STMN3: variants seen among roughly 807,000 people sequenced by gnomAD.
The protein encoded by STMN3 is stathmin-3.
Under a neutral mutation model 23.2 loss-of-function variants are expected in STMN3, and 24 were observed. That is an observed-to-expected ratio of 1.03 (90% CI 0.75 to 1.45). STMN3 has a LOEUF of 1.45. STMN3 is among the 40% of genes most tolerant of loss of function. The pLI is 0.00. For missense variants in STMN3, 235 were observed against 237.6 expected, an observed-to-expected ratio of 0.99 and a Z score of 0.07; for synonymous variants, 117 against 103.4, an observed-to-expected ratio of 1.13 and a Z score of -0.80.
rs569927237 is a variant in STMN3, at chr20:63,642,825, G to A, written c.292-526C>T. ...CTGGTGACCCCTGGGAGGAGAGCGG[G>A]GCAGCAGGACCCGCACCCACATGCC... On this transcript the variant is annotated intron_variant, in intron 3 of 4. Transcript: ENST00000370053. 1.1e-4 allele frequency among the ~76,000 whole-genome samples: 16 copies of A among 152,256 alleles called. No homozygotes were observed. The East Asian group carries it at 2.1e-3, about 20-fold the overall frequency.
rs2089867773 is a variant in STMN3, at chr20:63,652,421, G to C, written c.19+906C>G. ...GGTTCTGCGGCCTCGCGGCGGAGCA[G>C]AGCGTTTCGGGAAGGGCGGGCCCAG... On this transcript the variant is annotated intron_variant, in intron 1 of 4. Transcript: ENST00000370053. This position sits in a 1 kb window ranked among gnomAD's most constrained non-coding sequence, Gnocchi z 5.3. 1 of 296,836 alleles carries C rather than the reference G, an allele frequency of 3.4e-6. No homozygotes were observed. Among genetic ancestry groups the C allele is most frequent in the Admixed American group, 6.5e-5 (1 of 15,456 alleles). 18.4% of individuals were successfully genotyped at this position (296,836 alleles called of 1,614,324 possible).
At chr20:63,644,504 C>T (rs138716771) in intron 1 of STMN3, among the ~76,000 whole-genome samples, 195 bp from the exon 2 acceptor site, 53 of 151,804 alleles carry the variant, frequency 3.5e-4, no homozygotes, top group Admixed American at 4.6e-4. Context: ...GCACTGTCTC[C>T]GTGGTGTGTC....
At chr20:63,643,632 C>T (rs759199890) in intron 3 of STMN3, 124 bp downstream of exon 3, 16 of 1,376,498 alleles carry the variant, frequency 1.2e-5, no homozygotes, top group African/African-American at 1.5e-5. Flanking sequence ...AGCCACAGCC[C>T]CTCCTGCTCC....
rs537081157 is a variant in STMN3 at position 63,644,030 on chromosome 20, C to T, written c.116-99G>A. The T allele has an allele frequency of 7.1e-5, 106 of 1,500,542 alleles. No homozygotes were observed. The African/African-American group carries it at 1.3e-3, about 18-fold the overall frequency. 93.0% of individuals were successfully genotyped at this position (1,500,542 alleles called of 1,614,324 possible). On this transcript the variant is annotated intron_variant, in intron 2 of 4. Transcript: ENST00000370053. ...GCACACATCCAACCCCAGGGCTGGGCGAGAGGGGGTGGCTGCTCCCGCAGG... is the reference window on the plus strand; with the variant it reads ...GCACACATCCAACCCCAGGGCTGGGTGAGAGGGGGTGGCTGCTCCCGCAGG...
chr20:63,648,594 G>A (rs1014651828), intron 1 of STMN3, among the ~76,000 whole-genome samples: 3 of 152,148 alleles, frequency 2.0e-5, no homozygotes, highest in African/African-American at 7.2e-5. Flanking sequence ...AAATTAGCTG[G>A]GTGTGGTGGC....
At chr20:63,650,841 T>C (rs576876624) in intron 1 of STMN3, among the ~76,000 whole-genome samples, 13 of 136,270 alleles carry the variant, frequency 9.5e-5, no homozygotes, top group Admixed American at 7.4e-4. Context: ...CCCAGGTGGA[T>C]GGTGCCCACT....
At chr20:63,649,755 C>A (rs1212098343) in intron 1 of STMN3, among the ~76,000 whole-genome samples, 2 of 151,748 alleles carry the variant, frequency 1.3e-5, no homozygotes, top group Non-Finnish European at 2.9e-5. Context: ...TGGTCTCGAT[C>A]TCCTGACCTT....
At position 63,652,636 on chromosome 20, in the gene STMN3, C is replaced by T. The variant is rs1302808692; in HGVS notation, c.19+691G>A. 2.0e-6 allele frequency: 2 copies of T among 985,528 alleles called. No individual in the cohort carries two copies. Among genetic ancestry groups the T allele is most frequent in the East Asian group, 2.3e-4 (2 of 8,794 alleles). The allele number at this position is 985,528 out of a possible 1,614,324, so 61.0% of individuals were successfully genotyped here. ...GGCGGGAGGGGCGGAGCCCTCTGGT[C>T]TCCGGAGGGTTTGGGGATCGCAGTC... On this transcript the variant is annotated intron_variant, in intron 1 of 4. Coordinates refer to ENST00000370053, the MANE Select transcript of STMN3 (RefSeq NM_015894.4). This position sits in a 1 kb window ranked among gnomAD's most constrained non-coding sequence, Gnocchi z 5.3.
rs185221530 is a variant in STMN3 at position 63,647,654 on chromosome 20, A to G, written c.20-3345T>C. 2.3e-3 allele frequency among the ~76,000 whole-genome samples: 297 copies of G among 131,476 alleles called. 3 individuals carry two copies. Among genetic ancestry groups the G allele is most frequent in the South Asian group, 3.4e-3 (15 of 4,408 alleles). The allele number at this position is 131,476 out of a possible 152,430, so 86.3% of individuals were successfully genotyped here. Reference sequence around the variant, plus strand: ...AACAAACATATATATATATACATGTATATATATAATATATATATACGTATA... The same window carrying G: ...AACAAACATATATATATATACATGTGTATATATAATATATATATACGTATA... On this transcript the variant is annotated intron_variant, in intron 1 of 4. Transcript: ENST00000370053.
In STMN3 at chr20:63,641,007, G is replaced by A. The variant is rs2146111487; in HGVS notation, c.*331C>T. The A allele has an allele frequency of 2.3e-6, 1 of 428,662 alleles. No individual in the cohort carries two copies. Among genetic ancestry groups the A allele is most frequent in the East Asian group, 4.8e-5 (1 of 20,806 alleles). 26.6% of individuals were successfully genotyped at this position (428,662 alleles called of 1,614,324 possible). On this transcript the variant is annotated 3_prime_UTR_variant, in exon 5 of 5. Coordinates refer to ENST00000370053, the MANE Select transcript of STMN3 (RefSeq NM_015894.4). ...CTGCACGTGCTGACCAGACAGCCCA[G>A]CGTAAGGACCCGTGATCCCACGCCA... is the stretch of plus-strand genomic sequence containing the variant.
At chr20:63,644,916 C>G (rs2089797951) in intron 1 of STMN3, among the ~76,000 whole-genome samples, 2 of 152,122 alleles carry the variant, frequency 1.3e-5, no homozygotes, top group Admixed American at 1.3e-4. Flanking sequence ...GAAATAAGTT[C>G]CTGTCGTCTA....
chr20:63,641,343 C>T lies in STMN3; in HGVS notation c.538G>A (p.Gly180Ser), dbSNP rs1051939327. The T allele has an allele frequency of 3.2e-6, 5 of 1,566,082 alleles. No individual in the cohort carries two copies. In the African/African-American group the frequency reaches 4.1e-5, roughly 13 times the overall value. The change falls in exon 5 of 5, where the codon GGC becomes AGC. Residue 180 changes from glycine to serine, a missense_variant. Gly to Ser is a moderately conservative substitution (Grantham distance 56, BLOSUM62 0). Coordinates refer to ENST00000370053, the MANE Select transcript of STMN3 (RefSeq NM_015894.4). Reference sequence around the variant, plus strand: ...GCGCCGCCCGTCCCGGGCCCTTAGCCCGACATCTCTTCTCGCTGCTCCTTG... The same window carrying T: ...GCGCCGCCCGTCCCGGGCCCTTAGCTCGACATCTCTTCTCGCTGCTCCTTG... ...RNKEQREEMSG is the reference protein window; with the variant it reads ...RNKEQREEMSS
chr20:63,644,603 G>A (rs553480326), intron 1 of STMN3, among the ~76,000 whole-genome samples: 1 of 152,192 alleles, frequency 6.6e-6, no homozygotes, highest in Non-Finnish European at 1.5e-5. Flanking sequence ...ACACTGACTT[G>A]TTTCTCCATC....
At position 63,652,939 on chromosome 20, in the gene STMN3, G is replaced by T. The variant is rs2089872142; in HGVS notation, c.19+388C>A. Among the ~76,000 whole-genome samples the T allele has an allele frequency of 1.3e-5, 2 of 152,010 alleles. No homozygotes were observed. The highest frequency in any genetic ancestry group is 4.8e-5 in the African/African-American group (2 of 41,400). Reference sequence around the variant, plus strand: ...CCCGCCTCCCCACGAAGGCTCTGGCGGACCCAGATCTCGGGTCGCCGGACG... The same window carrying T: ...CCCGCCTCCCCACGAAGGCTCTGGCTGACCCAGATCTCGGGTCGCCGGACG... On this transcript the variant is annotated intron_variant, in intron 1 of 4. Coordinates refer to ENST00000370053, the MANE Select transcript of STMN3 (RefSeq NM_015894.4). The surrounding 1 kb of genome is among the most constrained non-coding windows in gnomAD (Gnocchi z 5.3).
chr20:63,648,868 C>G (rs1201859885), intron 1 of STMN3, among the ~76,000 whole-genome samples: 4 of 152,144 alleles, frequency 2.6e-5, no homozygotes, highest in Admixed American at 2.6e-4. Context: ...AGAGGAAGGA[C>G]AAACACCAGG....
rs1165301691 is a variant in STMN3, at chr20:63,647,936, A to ATATGTGTGTGTG, written c.20-3628_20-3627insCACACACACATA. On this transcript the variant is annotated intron_variant, in intron 1 of 4. Coordinates refer to ENST00000370053, the MANE Select transcript of STMN3 (RefSeq NM_015894.4). ...TATATATTAATATATATACGTATAT[A>ATATGTGTGTGTG]TGTGTGTGTGTGTATATATATATGT... 3.0e-3 allele frequency among the ~76,000 whole-genome samples: 241 copies of ATATGTGTGTGTG among 80,822 alleles called. 13 individuals carry two copies. The highest frequency in any genetic ancestry group is 9.1e-3 in the African/African-American group (187 of 20,556). The allele number at this position is 80,822 out of a possible 152,430, so 53.0% of individuals were successfully genotyped here.
chr20:63,644,047 T>C, intron 2 of STMN3, 116 bp from the exon 3 acceptor site: 2 of 1,440,740 alleles, frequency 1.4e-6, no homozygotes, highest in Non-Finnish European at 9.4e-7. Flanking sequence ...GGGTGGCTGC[T>C]CCCGCAGGAA....
rs2089792594 is a variant in STMN3 at position 63,644,304 on chromosome 20, T to C, written c.25A>G (p.Lys9Glu). The C allele has an allele frequency of 6.2e-7, 1 of 1,611,912 alleles. No homozygotes were observed. The highest frequency in any genetic ancestry group is 1.7e-5 in the Admixed American group (1 of 59,808). ...ACCGACAGCTCCTTCATCTTCTCCT[T>C]GTAGGCTGTGGGCACAAGGCTGGGC... MASTISAY[K>E]EKMKELSVLS... Residue 9 changes from lysine (K) to glutamate (E), a missense_variant, in exon 2 of 5, where the codon AAG becomes GAG. By Grantham distance (56) the Lys-to-Glu change is moderately conservative (BLOSUM62 1). Coordinates refer to ENST00000370053, the MANE Select transcript of STMN3 (RefSeq NM_015894.4).
chr20:63,651,595 T>C (rs984170069), intron 1 of STMN3, among the ~76,000 whole-genome samples: 2 of 152,230 alleles, frequency 1.3e-5, no homozygotes, highest in African/African-American at 2.4e-5. Flanking sequence ...GAAATGTGGC[T>C]ACCACAGTCA....
Sources: allele counts gnomAD v4.1 joint callset (sites outside exome capture counted in the v4.1 genomes callset), GRCh38; gene constraint gnomAD v4.1.1; non-coding constraint Gnocchi (gnomAD v3.1); transcripts MANE v1.5; gene names NCBI Gene and HGNC (gene_info 2026-07-23, HGNC 2026-07-21).